INVS: variants seen among roughly 807,000 people sequenced by gnomAD.
INVS encodes inversion of embryo turning homolog.
Under a neutral mutation model 108.8 loss-of-function variants are expected in INVS, and 86 were observed. The observed-to-expected ratio is 0.79, with a 90% CI of 0.66 to 0.95. The LOEUF is 0.95. Among genes scored for constraint, INVS ranks in the 40% least tolerant of loss-of-function variants. The probability of loss-of-function intolerance (pLI) is 0.00; values close to 1 mark genes in which losing one functional copy is unlikely to be tolerated. For synonymous variants in INVS, 455 were observed against 473.5 expected, an observed-to-expected ratio of 0.96 and a Z score of 0.51; for missense variants, 1,169 against 1,297.4, an observed-to-expected ratio of 0.90 and a Z score of 1.52.
At chr9:100,178,354 A>G (rs1368564549) in intron 3 of INVS, among the ~76,000 whole-genome samples, 1 of 152,232 alleles carries the variant, frequency 6.6e-6, no homozygotes, top group African/African-American at 2.4e-5. Context: ...GTAAAGGAGC[A>G]TGTTCTAACC....
intron 8 of INVS, among the ~76,000 whole-genome samples, chr9:100,247,784 GA>G (rs1832093582): frequency 6.6e-6 from 1 of 151,918 alleles, no homozygotes; most frequent in Non-Finnish European, 1.5e-5. Flanking sequence ...ATTTCTCTAT[GA>G]AAGCCTTACA....
At chr9:100,110,758 A>G (rs1488654105) in intron 2 of INVS, among the ~76,000 whole-genome samples, 1 of 152,238 alleles carries the variant, frequency 6.6e-6, no homozygotes. Flanking sequence ...TTATGAATGT[A>G]TTAAATAGCA....
chr9:100,107,237 C>G (rs1229925079), intron 2 of INVS, among the ~76,000 whole-genome samples: 1 of 152,194 alleles, frequency 6.6e-6, no homozygotes, highest in Non-Finnish European at 1.5e-5. Context: ...TCTCTCCCCA[C>G]TAGAGGAATA....
chr9:100,132,789 T>A (rs201671029), intron 3 of INVS, among the ~76,000 whole-genome samples: 42 of 148,398 alleles, frequency 2.8e-4, no homozygotes, highest in African/African-American at 8.6e-4. Flanking sequence ...TTTTTTTTTT[T>A]AATTATCTTA....
In INVS at chr9:100,229,352, C is replaced by T. The variant is rs143562147; in HGVS notation, c.448-308C>T. On this transcript the variant is annotated intron_variant, in intron 4 of 16. Transcript: ENST00000262457. ...GTGACTAACTGGCAGGGAATGTCTACGGTGGGGATATGCTGAACAAAGGAA... is the reference window on the plus strand; with the variant it reads ...GTGACTAACTGGCAGGGAATGTCTATGGTGGGGATATGCTGAACAAAGGAA... 2.1e-4 allele frequency among the ~76,000 whole-genome samples: 32 copies of T among 151,974 alleles called. No individual in the cohort carries two copies. The East Asian group carries it at 5.0e-3, about 24-fold the overall frequency.
rs542084402 is a variant in INVS at position 100,146,087 on chromosome 9, C to G, written c.273+19538C>G. ...AGGGGATTGATCTCCCAAGGGAGGT[C>G]CCCCCGATCCGAGTCACAGCACCAA... On this transcript the variant is annotated intron_variant, in intron 3 of 16. Transcript: ENST00000262457. 1.9e-3 allele frequency among the ~76,000 whole-genome samples: 155 copies of G among 83,646 alleles called. 4 individuals carry two copies. The South Asian group carries it at 0.039, about 21-fold the overall frequency. 54.9% of individuals were successfully genotyped at this position (83,646 alleles called of 152,430 possible). A position where few individuals can be genotyped will look rare whatever the true frequency, so the allele number is the denominator to read the frequency against.
Position 100,226,097 on chromosome 9 carries a change from C to T in INVS, c.309C>T (p.Arg103=), listed in dbSNP as rs1831309614. Residue 103 remains arginine, a synonymous_variant, in exon 4 of 17, where the codon CGC becomes CGT. Transcript: ENST00000262457. ...NYRFMKLLLT[R]RANWMQKDLE... ...GTTTCATGAAACTCTTACTTACACGCAGAGCAAACTGGATGCAAAAGGATC... is the reference window on the plus strand; with the variant it reads ...GTTTCATGAAACTCTTACTTACACGTAGAGCAAACTGGATGCAAAAGGATC... 1 of 1,613,630 alleles carries T rather than the reference C, an allele frequency of 6.2e-7. No homozygotes were observed. The highest frequency in any genetic ancestry group is 8.5e-7 in the Non-Finnish European group (1 of 1,179,774).
intron 10 of INVS, among the ~76,000 whole-genome samples, chr9:100,259,752 A>G (rs1027517499): frequency 5.3e-5 from 8 of 151,612 alleles, no homozygotes; most frequent in African/African-American, 1.9e-4. Context: ...GTTTCGTCAC[A>G]TTGGCCAGGC....
intron 3 of INVS, among the ~76,000 whole-genome samples, chr9:100,164,325 G>GTGT (rs1829291332): frequency 6.6e-6 from 1 of 151,942 alleles, no homozygotes; most frequent in African/African-American, 2.4e-5. Context: ...TCTAGTCACC[G>GTGT]TGTTGTAGCC....
intron 3 of INVS, among the ~76,000 whole-genome samples, chr9:100,183,818 C>T (rs922840285): frequency 7.4e-6 from 1 of 135,844 alleles, no homozygotes; most frequent in Non-Finnish European, 1.6e-5. Flanking sequence ...AAAAAAAAAG[C>T]ACCAGAAAAG....
At chr9:100,214,475 A>G (rs192412124) in intron 3 of INVS, among the ~76,000 whole-genome samples, 4 of 152,330 alleles carry the variant, frequency 2.6e-5, no homozygotes, top group Admixed American at 2.6e-4. Flanking sequence ...ACTTGGATCA[A>G]CCATTACATT....
At chr9:100,237,087 G>T (rs932417676) in intron 5 of INVS, among the ~76,000 whole-genome samples, 22 of 152,304 alleles carry the variant, frequency 1.4e-4, no homozygotes, top group Non-Finnish European at 2.6e-4. Flanking sequence ...AGGCAGTCTG[G>T]CTATAGCGGC....
chr9:100,120,679 G>T (rs1022924137), intron 2 of INVS: 1 of 152,232 alleles, frequency 6.6e-6, no homozygotes, highest in South Asian at 2.1e-4. Context: ...CATCTCTGAT[G>T]TCCTGGAAGG....
intron 11 of INVS, among the ~76,000 whole-genome samples, chr9:100,270,184 TG>T (rs1174271273): frequency 1.3e-5 from 2 of 152,216 alleles, no homozygotes; most frequent in Non-Finnish European, 2.9e-5. Context: ...TAGTAATTTT[TG>T]TTTAAAAAAG....
chr9:100,226,227 A>G lies in INVS; in HGVS notation c.439A>G (p.Lys147Glu), dbSNP rs1386460327. ...MAPGEVDTQD[K>E]NKQTALHWSA... ...ACCAGGAGAAGTGGATACACAGGAT[A>G]AAAACAAGGTAATGGATACTCAAAA... Residue 147 changes from lysine to glutamate, a missense_variant, in exon 4 of 17, where the codon AAA becomes GAA. Transcript: ENST00000262457. 3.7e-6 allele frequency: 6 copies of G among 1,613,658 alleles called. No homozygotes were observed. Among genetic ancestry groups the G allele is most frequent in the East Asian group, 2.2e-5 (1 of 44,876 alleles).
chr9:100,174,692 C>G (rs1829652963), intron 3 of INVS, among the ~76,000 whole-genome samples: 1 of 152,092 alleles, frequency 6.6e-6, no homozygotes, highest in Admixed American at 6.6e-5. Context: ...GCAGGCAGAC[C>G]ACCTGAGGTC....
chr9:100,235,877 G>A (rs957707724), intron 5 of INVS, among the ~76,000 whole-genome samples: 4 of 152,078 alleles, frequency 2.6e-5, no homozygotes, highest in Non-Finnish European at 5.9e-5. Context: ...GCATCTTAAT[G>A]GTGTTCTCTG....
chr9:100,256,724 T>G (rs1392624258), intron 10 of INVS, among the ~76,000 whole-genome samples: 1 of 152,154 alleles, frequency 6.6e-6, no homozygotes, highest in Admixed American at 6.5e-5. Context: ...AGTTGAGTGG[T>G]TTTGAGTGAG....
intron 3 of INVS, among the ~76,000 whole-genome samples, chr9:100,171,432 A>G (rs562882782): frequency 2.0e-4 from 30 of 152,272 alleles, no homozygotes; most frequent in African/African-American, 7.2e-4. Flanking sequence ...TCACACTATG[A>G]CAAAATCACC....
Sources: allele counts gnomAD v4.1 joint callset (sites outside exome capture counted in the v4.1 genomes callset), GRCh38; gene constraint gnomAD v4.1.1; transcripts MANE v1.5; gene names NCBI Gene and HGNC (gene_info 2026-07-23, HGNC 2026-07-21).